C2CD3: variants seen among roughly 807,000 people sequenced by gnomAD.
The protein encoded by C2CD3 is C2 domain-containing protein 3.
C2CD3 carries 148 observed loss-of-function variants against 234.0 expected under a neutral mutation model. The observed-to-expected ratio is 0.63, with a 90% confidence interval of 0.55 to 0.72. C2CD3 has a LOEUF of 0.72. Among genes scored for constraint, C2CD3 ranks in the 30% least tolerant of loss-of-function variants. The pLI is 0.00. For missense variants in C2CD3, 2,577 were observed against 2,811.5 expected (o/e 0.92, Z 1.89); for synonymous variants, 1,000 against 1,035.4 (o/e 0.97, Z 0.66).
In C2CD3 at chr11:74,034,650, T is replaced by C. The variant is rs767281830; in HGVS notation, c.5882-372A>G. On this transcript the variant is annotated intron_variant, in intron 30 of 32. Coordinates refer to ENST00000334126, the MANE Select transcript of C2CD3 (RefSeq NM_001286577.2). Reference sequence around the variant, plus strand: ...AATGAGAATCCACTTATTTACCTATTTGATGACAGTTATTAAAACTACCTA... The same window carrying C: ...AATGAGAATCCACTTATTTACCTATCTGATGACAGTTATTAAAACTACCTA... The C allele has an allele frequency of 6.7e-6, 10 of 1,499,604 alleles. No individual in the cohort carries two copies. The East Asian group carries it at 1.6e-4, about 24-fold the overall frequency. 92.9% of individuals were successfully genotyped at this position (1,499,604 alleles called of 1,614,324 possible). A position where few individuals can be genotyped will look rare whatever the true frequency, so the allele number is the denominator to read the frequency against.
At chr11:74,168,919 A>T (rs1179829550) in intron 1 of C2CD3, among the ~76,000 whole-genome samples, 4 of 152,256 alleles carry the variant, frequency 2.6e-5, no homozygotes, top group African/African-American at 9.6e-5. Flanking sequence ...ACTTTTCTTT[A>T]GTTGAGTTAC....
At chr11:74,144,936 G>A (rs1855073531) in intron 3 of C2CD3, among the ~76,000 whole-genome samples, 1 of 152,146 alleles carries the variant, frequency 6.6e-6, no homozygotes, top group Non-Finnish European at 1.5e-5. Context: ...CTTTGTGATA[G>A]AACAATTTAT....
chr11:74,042,493 C>T (rs954817847), intron 28 of C2CD3, among the ~76,000 whole-genome samples: 4 of 152,252 alleles, frequency 2.6e-5, no homozygotes, highest in East Asian at 1.9e-4. Flanking sequence ...TGACTCACGC[C>T]TGTAATCCCA....
At chr11:74,090,731 G>T (rs1288197866) in intron 20 of C2CD3, 82 bp downstream of exon 20, 6 of 1,494,546 alleles carry the variant, frequency 4.0e-6, no homozygotes, top group African/African-American at 2.8e-5. Context: ...TTATACCTAA[G>T]AAAGTTTTGC....
intron 15 of C2CD3, 67 bp from the exon 16 acceptor site, chr11:74,098,322 CT>C: frequency 6.6e-7 from 1 of 1,503,786 alleles, no homozygotes. Flanking sequence ...TTATTTCTTT[CT>C]TGACTCATTT....
intron 5 of C2CD3, among the ~76,000 whole-genome samples, chr11:74,138,024 A>G (rs953486995): frequency 7.9e-5 from 12 of 152,268 alleles, no homozygotes; most frequent in African/African-American, 1.2e-4. Context: ...TTCTGATGCT[A>G]CAGATATTTT....
At chr11:74,084,556 G>A (rs940268983) in intron 22 of C2CD3, among the ~76,000 whole-genome samples, 5 of 152,188 alleles carry the variant, frequency 3.3e-5, no homozygotes, top group Non-Finnish European at 7.4e-5. Flanking sequence ...GATTACAGGC[G>A]TGAGCCACCA....
At chr11:74,018,974 C>T (rs1022280776) in intron 32 of C2CD3, among the ~76,000 whole-genome samples, 4 of 152,184 alleles carry the variant, frequency 2.6e-5, no homozygotes, top group Admixed American at 2.6e-4. Context: ...GCCCATTCTA[C>T]AGGGCCTACG....
In C2CD3 at chr11:74,084,162, A is replaced by C. The variant is rs145840398; in HGVS notation, c.4000+719T>G. ...TTTGTAGGGACATGGATGCAGCTGG[A>C]AACCATCATTCTGAGCAAACTATCA... is the stretch of plus-strand genomic sequence containing the variant. On this transcript the variant is annotated intron_variant, in intron 22 of 32. Coordinates refer to ENST00000334126, the MANE Select transcript of C2CD3 (RefSeq NM_001286577.2). 3.3e-3 allele frequency among the ~76,000 whole-genome samples: 507 copies of C among 152,246 alleles called. 5 individuals carry two copies. Among genetic ancestry groups the C allele is most frequent in the African/African-American group, 0.012 (482 of 41,544 alleles).
rs568540879 is a variant in C2CD3, at chr11:74,152,792, A to T, written c.483+8607T>A. The stretch of plus-strand genomic sequence containing the variant: ...GAAAAAAATCCAAATGACTATCCTA[A>T]CACATACAGGAAAAACATTTGATAA... On this transcript the variant is annotated intron_variant, in intron 3 of 32. Coordinates refer to ENST00000334126, the MANE Select transcript of C2CD3 (RefSeq NM_001286577.2). Among the ~76,000 whole-genome samples, 5 of 152,344 alleles carry T rather than the reference A, an allele frequency of 3.3e-5. No individual in the cohort carries two copies. The East Asian group carries it at 9.6e-4, about 29-fold the overall frequency.
At chr11:74,149,035 T>C (rs1855413523) in intron 3 of C2CD3, among the ~76,000 whole-genome samples, 1 of 152,220 alleles carries the variant, frequency 6.6e-6, no homozygotes, top group Admixed American at 6.5e-5. Context: ...GGCGGCCACT[T>C]TCAATTTCTA....
At chr11:74,133,719 G>T in intron 5 of C2CD3, 162 bp from the exon 6 acceptor site, 1 of 662,998 alleles carries the variant, frequency 1.5e-6, no homozygotes, top group Non-Finnish European at 2.6e-6. Flanking sequence ...GGACATTTAC[G>T]CAAAAGAGAT....
chr11:74,082,439 T>C (rs1485052554), intron 22 of C2CD3, among the ~76,000 whole-genome samples: 1 of 152,110 alleles, frequency 6.6e-6, no homozygotes, highest in Non-Finnish European at 1.5e-5. Context: ...CATAAATAGC[T>C]CTTATTATTA....
chr11:74,167,896 T>C, intron 2 of C2CD3: 1 of 160,718 alleles, frequency 6.2e-6, no homozygotes, highest in East Asian at 1.8e-4. Context: ...TGGTAAATTT[T>C]ACATCTATAT....
At chr11:74,042,296 A>G in intron 28 of C2CD3, 78 bp from the exon 29 acceptor site, 4 of 1,393,936 alleles carry the variant, frequency 2.9e-6, no homozygotes, top group Non-Finnish European at 3.9e-6. Flanking sequence ...GTGACAATAA[A>G]CAAATCACTA....
chr11:74,147,208 A>G (rs1855265869), intron 3 of C2CD3, among the ~76,000 whole-genome samples: 2 of 152,176 alleles, frequency 1.3e-5, no homozygotes, highest in African/African-American at 4.8e-5. Context: ...TTAAGCCCAG[A>G]GTTCAAGACC....
At chr11:74,075,306 A>G (rs1471416723) in intron 23 of C2CD3, among the ~76,000 whole-genome samples, 4 of 141,744 alleles carry the variant, frequency 2.8e-5, no homozygotes, top group South Asian at 2.3e-4. Flanking sequence ...CCTTCTCCCT[A>G]TCAGGAGGCT....
rs1952628493 is a variant in C2CD3 at position 74,034,178 on chromosome 11, T to C, written c.5982A>G (p.Thr1994=). The C allele has an allele frequency of 6.5e-7, 1 of 1,536,266 alleles. No homozygotes were observed. The highest frequency in any genetic ancestry group is 8.7e-7 in the Non-Finnish European group (1 of 1,146,930). The part of the protein sequence containing the change: ...KATTLPDAQD[T]EALQERCTMP... ...TTGTGCATCGTTCTTGCAGTGCTTC[T>C]GTGTCCTGAGCATCTGGGAGGGTGG... The change falls in exon 31 of 33, where the codon ACA becomes ACG. Residue 1994 remains threonine, a synonymous_variant. Transcript: ENST00000334126.
At chr11:74,121,939 C>G (rs1295107803) in intron 8 of C2CD3, among the ~76,000 whole-genome samples, 1 of 152,210 alleles carries the variant, frequency 6.6e-6, no homozygotes, top group Non-Finnish European at 1.5e-5. Flanking sequence ...CTGTCTCATG[C>G]TTCCCGTAGC....
Sources: allele counts gnomAD v4.1 joint callset (sites outside exome capture counted in the v4.1 genomes callset), GRCh38; gene constraint gnomAD v4.1.1; transcripts MANE v1.5; gene names NCBI Gene and HGNC (gene_info 2026-07-23, HGNC 2026-07-21).